HACL1: variants seen among roughly 807,000 people sequenced by gnomAD.
HACL1 encodes 2-hydroxyacyl-CoA lyase 1.
A neutral mutation model predicts 74.2 loss-of-function variants in HACL1; 64 were observed. The ratio of observed to expected loss-of-function variants is 0.86; its 90% CI spans 0.70 to 1.06. The LOEUF (loss-of-function observed/expected upper bound fraction) is 1.06. HACL1 is among the 50% of genes least tolerant of loss of function. The pLI, the probability that HACL1 is intolerant of heterozygous loss-of-function variation, is 0.00. For synonymous variants in HACL1, 230 were observed against 238.8 expected (o/e 0.96, Z 0.34); for missense variants, 728 against 719.7 (o/e 1.01, Z -0.13).
chr3:15,596,274 TAATATA>T (rs1379850820), intron 3 of HACL1, 104 bp downstream of exon 3: 17 of 675,800 alleles, frequency 2.5e-5, no homozygotes, highest in Admixed American at 1.7e-4. Context: ...CTTTGTTATT[TAATATA>T]TTTTTCTATA....
Position 15,571,715 on chromosome 3 carries a change from AC to A in HACL1, c.1047del (p.Trp349CysfsTer5). The A allele has an allele frequency of 1.3e-6, 2 of 1,521,684 alleles. No individual in the cohort carries two copies. Among genetic ancestry groups the A allele is most frequent in the Non-Finnish European group, 1.8e-6 (2 of 1,113,088 alleles). The allele number at this position is 1,521,684 out of a possible 1,614,324, so 94.3% of individuals were successfully genotyped here. On this transcript the variant is annotated frameshift_variant, in exon 12 of 17. Transcript: ENST00000321169. LOFTEE classifies it high-confidence loss of function. ...TTCATTTTTTCTCTCAGAGTTTTCC[AC>A]CACTTGCTCTCTGGAGGATACTGCC... ...TPWQYPPESK[W>X]WKTLREKMKS...
intron 4 of HACL1, 120 bp from the exon 5 acceptor site, chr3:15,589,732 T>G (rs2063857012): frequency 1.4e-6 from 1 of 733,738 alleles, no homozygotes; most frequent in Non-Finnish European, 2.3e-6. Flanking sequence ...TTATATTTTT[T>G]TCTTAGAAAC....
rs752768853 is a variant in HACL1, at chr3:15,563,493, A to G, written c.1569T>C (p.Thr523=). 4.3e-6 allele frequency: 7 copies of G among 1,612,498 alleles called. No homozygotes were observed. Among genetic ancestry groups the G allele is most frequent in the Non-Finnish European group, 5.9e-6 (7 of 1,178,512 alleles). ...CAAAATACCCTTTGCCTCCAAATGC[A>G]GTCATGACTTGCTCATAATGTGAAT... The part of the protein sequence containing the change: ...LPNSHYEQVM[T]AFGGKGYFVQ... Residue 523 remains threonine, a synonymous_variant, in exon 16 of 17, where the codon ACT becomes ACC. Coordinates refer to ENST00000321169, the MANE Select transcript of HACL1 (RefSeq NM_012260.4).
intron 12 of HACL1, among the ~76,000 whole-genome samples, chr3:15,571,037 G>A (rs2063519094): frequency 6.6e-6 from 1 of 151,862 alleles, no homozygotes; most frequent in Non-Finnish European, 1.5e-5. Context: ...GAGTGCAGTG[G>A]CATGATCTAC....
chr3:15,592,098 T>TAC (rs2063920627), intron 3 of HACL1, among the ~76,000 whole-genome samples: 4 of 143,440 alleles, frequency 2.8e-5, no homozygotes, highest in African/African-American at 1.1e-4. Context: ...ACACACACTA[T>TAC]ATACGTATAT....
rs73148165 is a variant in HACL1 at position 15,565,813 on chromosome 3, G to T, written c.1410-1155C>A. Among the ~76,000 whole-genome samples, 838 of 152,138 alleles carry T rather than the reference G, an allele frequency of 5.5e-3. 6 individuals are homozygous for T. The highest frequency in any genetic ancestry group is 0.019 in the African/African-American group (770 of 41,488). On this transcript the variant is annotated intron_variant, in intron 14 of 16. Transcript: ENST00000321169. ...CTCATTATCTGAGTTCTGCATCCGT[G>T]GATTTAACCAATTGCGGGTCAAAAA... is the stretch of plus-strand genomic sequence containing the variant.
chr3:15,577,721 C>T (rs1242719589), intron 9 of HACL1, among the ~76,000 whole-genome samples: 1 of 151,818 alleles, frequency 6.6e-6, no homozygotes, highest in Non-Finnish European at 1.5e-5. Flanking sequence ...TTGCTTTAGC[C>T]CAGCAGGCAG....
chr3:15,563,586 ACCTTGT>A (rs1326888578), intron 15 of HACL1, 42 bp from the exon 16 acceptor site: 2 of 1,289,116 alleles, frequency 1.6e-6, no homozygotes, highest in Admixed American at 2.2e-5. Context: ...TAAATCTTAA[ACCTTGT>A]AGAAAAAAAG....
intron 12 of HACL1, 84 bp downstream of exon 12, chr3:15,571,584 T>C: frequency 1.3e-6 from 1 of 767,710 alleles, no homozygotes; most frequent in East Asian, 2.5e-5. Flanking sequence ...AGGTGATTTT[T>C]AGGAATGCAC....
intron 13 of HACL1, 120 bp downstream of exon 13, chr3:15,568,312 T>C: frequency 1.5e-6 from 1 of 689,654 alleles, no homozygotes. Flanking sequence ...TTTTATGAAA[T>C]ATGTCCTTAC....
rs1474984401 is a variant in HACL1, at chr3:15,582,943, A to T, written c.601T>A (p.Ser201Thr). 1 of 1,612,176 alleles carries T rather than the reference A, an allele frequency of 6.2e-7. No homozygotes were observed. Among genetic ancestry groups the T allele is most frequent in the South Asian group, 1.1e-5 (1 of 90,956 alleles). Residue 201 changes from serine to threonine, a missense_variant, in exon 8 of 17, where the codon TCT becomes ACT. By Grantham distance (58) the Ser-to-Thr change is moderately conservative (BLOSUM62 1). Coordinates refer to ENST00000321169, the MANE Select transcript of HACL1 (RefSeq NM_012260.4). The part of the protein sequence containing the change: ...MSPPISMAET[S>T]AVCTAASVIR... ...ACAGAAGCCGCCGTGCACACAGCAG[A>T]GGTTTCTGCCATGCTAATAGGAGGT...
chr3:15,583,720 C>T (rs932208986), intron 7 of HACL1, among the ~76,000 whole-genome samples: 6 of 150,606 alleles, frequency 4.0e-5, no homozygotes, highest in Middle Eastern at 3.5e-3. Flanking sequence ...TGCAGCGGTG[C>T]GAACTTGGCT....
chr3:15,600,386 T>C (rs908352943), intron 2 of HACL1, among the ~76,000 whole-genome samples: 5 of 152,234 alleles, frequency 3.3e-5, no homozygotes, highest in Non-Finnish European at 5.9e-5. Context: ...AAGTGGATTC[T>C]TGACCTTTCA....
At chr3:15,593,782 G>GT (rs200160002) in intron 3 of HACL1, among the ~76,000 whole-genome samples, 3,730 of 123,598 alleles carry the variant, frequency 0.03, 135 homozygotes, top group African/African-American at 0.089. Context: ...AATGTTTTGT[G>GT]TTTTTTTTTT....
intron 3 of HACL1, among the ~76,000 whole-genome samples, chr3:15,592,214 A>T (rs2063929628): frequency 6.7e-6 from 1 of 150,204 alleles, no homozygotes; most frequent in South Asian, 2.1e-4. Flanking sequence ...ACATGCGTGT[A>T]TATATGTATA....
chr3:15,587,412 A>G (rs1244245983), intron 5 of HACL1, among the ~76,000 whole-genome samples: 3 of 145,054 alleles, frequency 2.1e-5, no homozygotes. Context: ...TATGAAATCT[A>G]TGAAAAGCTG....
At position 15,563,476 on chromosome 3, in the gene HACL1, C is replaced by T. The variant is rs768143327; in HGVS notation, c.1586G>A (p.Gly529Glu). ...EQVMTAFGGK[G>E]YFVQTPEELQ... is the part of the protein sequence containing the mutation. The stretch of plus-strand genomic sequence containing the variant: ...TTCTTCTGGTGTTTGTACAAAATAC[C>T]CTTTGCCTCCAAATGCAGTCATGAC... The change falls in exon 16 of 17, where the codon GGG (glycine) becomes GAG (glutamate). Residue 529 changes from glycine (G) to glutamate (E), a missense_variant. Physicochemically the swap from Gly to Glu is moderately conservative, Grantham distance 98. Coordinates refer to ENST00000321169, the MANE Select transcript of HACL1 (RefSeq NM_012260.4). The T allele has an allele frequency of 7.4e-6, 12 of 1,611,416 alleles. No homozygotes were observed. Among genetic ancestry groups the T allele is most frequent in the Non-Finnish European group, 1.0e-5 (12 of 1,177,700 alleles).
intron 11 of HACL1, 30 bp downstream of exon 11, chr3:15,573,128 AC>A: frequency 8.7e-7 from 1 of 1,148,506 alleles, no homozygotes; most frequent in East Asian, 2.3e-5. Context: ...CCTAATAAGC[AC>A]TCCACATAAA....
chr3:15,563,124 A>C (rs2063372361), intron 16 of HACL1, among the ~76,000 whole-genome samples: 1 of 152,166 alleles, frequency 6.6e-6, no homozygotes, highest in South Asian at 2.1e-4. Flanking sequence ...CTACCAGACT[A>C]CAAAAGCTCC....
Sources: gnomAD v4.1 joint callset for allele counts (sites outside exome capture counted in the v4.1 genomes callset) on GRCh38, gnomAD v4.1.1 for gene constraint, MANE v1.5 for transcripts, NCBI Gene and HGNC (gene_info 2026-07-23, HGNC 2026-07-21) for gene names.